Variants in PKHD1 observed in about 807,000 individuals in gnomAD.
PKHD1 encodes PKHD1 ciliary IPT domain containing fibrocystin/polyductin.
Under a neutral mutation model 412.0 loss-of-function variants are expected in PKHD1, and 291 were observed. The ratio of observed to expected loss-of-function variants is 0.71; its 90% CI spans 0.64 to 0.78. The LOEUF (loss-of-function observed/expected upper bound fraction) is 0.78. PKHD1 is among the 30% of genes least tolerant of loss of function. The probability of loss-of-function intolerance (pLI) is 0.00; values close to 1 mark genes in which losing one functional copy is unlikely to be tolerated. For missense variants in PKHD1, 4,825 were observed against 4,950.7 expected (o/e 0.97, Z 0.76); for synonymous variants, 1,777 against 1,821.5 (o/e 0.98, Z 0.62).
At chr6:51,989,977 AAGGAAGGG>A (rs1252103656) in intron 35 of PKHD1, among the ~76,000 whole-genome samples, 10 of 118,068 alleles carry the variant, frequency 8.5e-5, no homozygotes, top group Non-Finnish European at 1.5e-4. Context: ...GGAAGGAAGG[AAGGAAGGG>A]AGAGATACAG....
chr6:52,024,487 T>C, intron 32 of PKHD1, 87 bp downstream of exon 32: 1 of 1,242,428 alleles, frequency 8.0e-7, no homozygotes, highest in Non-Finnish European at 1.2e-6. Flanking sequence ...TCAGGCAGAT[T>C]GTGTTAATTT....
chr6:51,734,665 A>C (rs1342940788), intron 60 of PKHD1, among the ~76,000 whole-genome samples: 1 of 152,088 alleles, frequency 6.6e-6, no homozygotes, highest in Admixed American at 6.6e-5. Context: ...ATTTGATCAA[A>C]AATCCGCTGA....
rs924017193 is a variant in PKHD1 at position 51,744,623 on chromosome 6, G to A, written c.9999-81C>T. The A allele has an allele frequency of 1.1e-5, 12 of 1,046,998 alleles. No individual in the cohort carries two copies. The Admixed American group carries it at 1.5e-4, about 13-fold the overall frequency. The allele number at this position is 1,046,998 out of a possible 1,614,324, so 64.9% of individuals were successfully genotyped here. On this transcript the variant is annotated intron_variant, in intron 59 of 66. Coordinates refer to ENST00000371117, the MANE Select transcript of PKHD1 (RefSeq NM_138694.4). ...AATATACATTGGTAGTGCTAATGTT[G>A]TTTAAAATAAATTCAACAGATTTTT...
intron 33 of PKHD1, among the ~76,000 whole-genome samples, chr6:52,021,814 T>G (rs568606228): frequency 6.6e-6 from 1 of 152,184 alleles, no homozygotes; most frequent in Non-Finnish European, 1.5e-5. Flanking sequence ...ACAGCACAAA[T>G]TTCCATCACA....
chr6:51,635,943 C>G (rs964049418), intron 64 of PKHD1, among the ~76,000 whole-genome samples: 1 of 151,426 alleles, frequency 6.6e-6, no homozygotes, highest in Non-Finnish European at 1.5e-5. Context: ...CTGAGGGCCT[C>G]CTGAGAACCC....
At chr6:51,693,634 C>T (rs1778432874) in intron 60 of PKHD1, among the ~76,000 whole-genome samples, 1 of 152,198 alleles carries the variant, frequency 6.6e-6, no homozygotes, top group African/African-American at 2.4e-5. Flanking sequence ...CCAGCTGGTT[C>T]AGCGGATGAG....
At chr6:51,909,602 T>G in intron 39 of PKHD1, 128 bp from the exon 40 acceptor site, 2 of 726,978 alleles carry the variant, frequency 2.8e-6, no homozygotes, top group South Asian at 1.5e-5. Context: ...TTAATAATCT[T>G]ATTTCCCCTT....
At chr6:51,777,641 T>G (rs1020728516) in intron 53 of PKHD1, among the ~76,000 whole-genome samples, 1 of 148,402 alleles carries the variant, frequency 6.7e-6, no homozygotes, top group African/African-American at 2.5e-5. Context: ...CCAACTGTGA[T>G]TTCATTTATT....
At chr6:52,043,874 A>T in intron 25 of PKHD1, 144 bp from the exon 26 acceptor site, 1 of 641,818 alleles carries the variant, frequency 1.6e-6, no homozygotes, top group Admixed American at 2.3e-5. Flanking sequence ...TCCAGTAATT[A>T]ATCTTAAATT....
At chr6:51,674,655 G>T (rs1207555507) in intron 60 of PKHD1, among the ~76,000 whole-genome samples, 1 of 152,062 alleles carries the variant, frequency 6.6e-6, no homozygotes, top group Non-Finnish European at 1.5e-5. Flanking sequence ...CTCCCCTTTT[G>T]GCCTGTGTTT....
At chr6:52,059,397 C>A (rs112531573) in intron 15 of PKHD1, among the ~76,000 whole-genome samples, 1 of 150,686 alleles carries the variant, frequency 6.6e-6, no homozygotes, top group Non-Finnish European at 1.5e-5. Context: ...TATAGGCATG[C>A]GCCACCATGC....
At chr6:51,952,366 A>G (rs941608381) in intron 36 of PKHD1, among the ~76,000 whole-genome samples, 1 of 152,142 alleles carries the variant, frequency 6.6e-6, no homozygotes, top group African/African-American at 2.4e-5. Context: ...ACAAACATGA[A>G]TCTGCCTCTT....
At chr6:51,696,709 GA>G (rs1389845612) in intron 60 of PKHD1, among the ~76,000 whole-genome samples, 1 of 152,304 alleles carries the variant, frequency 6.6e-6, no homozygotes, top group Non-Finnish European at 1.5e-5. Flanking sequence ...GAACACAGGG[GA>G]ATGTGGCCCT....
At chr6:52,056,573 C>T (rs1407743381) in intron 18 of PKHD1, 125 bp downstream of exon 18, 1 of 812,064 alleles carries the variant, frequency 1.2e-6, no homozygotes, top group Non-Finnish European at 2.1e-6. Context: ...GTGTCCAAAT[C>T]CAGGTTTCAT....
chr6:51,632,942 T>A (rs1768101916), intron 64 of PKHD1, among the ~76,000 whole-genome samples: 1 of 152,184 alleles, frequency 6.6e-6, no homozygotes, highest in African/African-American at 2.4e-5. Flanking sequence ...TTATTTCCAA[T>A]TCTGTCAATT....
chr6:51,649,326 CTG>C, intron 61 of PKHD1, 106 bp from the exon 62 acceptor site: 1 of 859,426 alleles, frequency 1.2e-6, no homozygotes, highest in Non-Finnish European at 1.9e-6. Flanking sequence ...TTGCATTTGC[CTG>C]TGTTTCTAGA....
chr6:51,674,452 T>G (rs1220516275), intron 60 of PKHD1, among the ~76,000 whole-genome samples: 1 of 152,190 alleles, frequency 6.6e-6, no homozygotes, highest in Middle Eastern at 3.2e-3. Context: ...TTCTTCCTTC[T>G]CTACTTCCCT....
chr6:51,720,111 G>C (rs1439903327), intron 60 of PKHD1, among the ~76,000 whole-genome samples: 1 of 152,062 alleles, frequency 6.6e-6, no homozygotes, highest in Non-Finnish European at 1.5e-5. Flanking sequence ...TATCCATTAT[G>C]CTTTTCTATC....
chr6:51,667,485 T>C (rs1181395012), intron 60 of PKHD1, among the ~76,000 whole-genome samples: 1 of 149,448 alleles, frequency 6.7e-6, no homozygotes, highest in African/African-American at 2.4e-5. Flanking sequence ...TTTTCTCCCA[T>C]TTTGTAGGTT....
Sources: gnomAD v4.1 joint callset for allele counts (sites outside exome capture counted in the v4.1 genomes callset) on GRCh38, gnomAD v4.1.1 for gene constraint, MANE v1.5 for transcripts, NCBI Gene and HGNC (gene_info 2026-07-23, HGNC 2026-07-21) for gene names.